Variants in LCLAT1 observed in about 807,000 individuals in gnomAD.
LCLAT1 encodes the protein 1-AGP acyltransferase 8.
Under a neutral mutation model 30.7 loss-of-function variants are expected in LCLAT1, and 11 were observed. The ratio of observed to expected loss-of-function variants is 0.36; its 90% confidence interval spans 0.23 to 0.59. The LOEUF (loss-of-function observed/expected upper bound fraction) is 0.59. Ranked by LOEUF, LCLAT1 falls within the 20% of genes least tolerant of loss-of-function variation. The pLI is 0.77. For missense variants in LCLAT1, 402 were observed against 458.6 expected (o/e 0.88, Z 1.13); for synonymous variants, 155 against 151.3 (o/e 1.02, Z -0.18).
intron 5 of LCLAT1, among the ~76,000 whole-genome samples, chr2:30,594,915 C>T (rs1666862405): frequency 6.6e-6 from 1 of 151,918 alleles, no homozygotes; most frequent in Non-Finnish European, 1.5e-5. Context: ...TAATATATAC[C>T]TATATTTTCC....
intron 5 of LCLAT1, among the ~76,000 whole-genome samples, chr2:30,623,098 G>A (rs2148518570): frequency 6.9e-6 from 1 of 144,634 alleles, no homozygotes; most frequent in East Asian, 2.0e-4. Context: ...CTGTCGCCAG[G>A]GCTAGAGTGC....
chr2:30,514,249 A>G (rs1182387895), intron 1 of LCLAT1, among the ~76,000 whole-genome samples: 2 of 152,244 alleles, frequency 1.3e-5, no homozygotes, highest in African/African-American at 2.4e-5. Context: ...CATACTTGAC[A>G]TTGTCAAGGG....
chr2:30,498,457 G>A (rs978455176), intron 1 of LCLAT1, among the ~76,000 whole-genome samples: 1 of 152,202 alleles, frequency 6.6e-6, no homozygotes, highest in Middle Eastern at 3.2e-3. Flanking sequence ...ATGCCAAGGA[G>A]AGAGAAATGT....
chr2:30,471,967 CTT>C (rs1490294761), intron 1 of LCLAT1, among the ~76,000 whole-genome samples: 2 of 152,190 alleles, frequency 1.3e-5, no homozygotes, highest in African/African-American at 4.8e-5. Flanking sequence ...CTTGTAGTCA[CTT>C]TATCCCTGAG....
intron 4 of LCLAT1, among the ~76,000 whole-genome samples, chr2:30,564,852 T>G (rs1665403523): frequency 6.6e-6 from 1 of 152,198 alleles, no homozygotes; most frequent in African/African-American, 2.4e-5. Context: ...AAATCTAACT[T>G]TACATATATT....
intron 1 of LCLAT1, among the ~76,000 whole-genome samples, chr2:30,455,542 A>G (rs1681789914): frequency 6.6e-6 from 1 of 152,074 alleles, no homozygotes; most frequent in Admixed American, 6.5e-5. Context: ...TTATGGCTAC[A>G]TCATTAATCT....
chr2:30,493,208 C>G (rs947981582), intron 1 of LCLAT1, among the ~76,000 whole-genome samples: 6 of 152,148 alleles, frequency 3.9e-5, no homozygotes, highest in Admixed American at 2.6e-4. Context: ...TTAAAGTAGA[C>G]TTTCTTATTA....
intron 5 of LCLAT1, among the ~76,000 whole-genome samples, chr2:30,595,328 C>G (rs1449050216): frequency 6.6e-6 from 1 of 152,084 alleles, no homozygotes; most frequent in Admixed American, 6.6e-5. Context: ...ATAGTGGACC[C>G]AGACGTTTTC....
chr2:30,592,574 CTGAGA>C (rs1052243692), intron 5 of LCLAT1, among the ~76,000 whole-genome samples: 3 of 152,170 alleles, frequency 2.0e-5, no homozygotes, highest in Non-Finnish European at 4.4e-5. Context: ...TAAAACTGAA[CTGAGA>C]TATCATATAA....
At chr2:30,481,357 T>C (rs1190095920) in intron 1 of LCLAT1, among the ~76,000 whole-genome samples, 3 of 152,138 alleles carry the variant, frequency 2.0e-5, no homozygotes, top group African/African-American at 4.8e-5. Flanking sequence ...ATTTTGGTAA[T>C]ATCAGCATAA....
At chr2:30,533,919 G>A (rs1686101608) in intron 3 of LCLAT1, among the ~76,000 whole-genome samples, 2 of 152,178 alleles carry the variant, frequency 1.3e-5, no homozygotes, top group Admixed American at 6.5e-5. Context: ...AAAATAAATG[G>A]CCTCCTTTCT....
At chr2:30,483,680 A>G (rs984268630) in intron 1 of LCLAT1, among the ~76,000 whole-genome samples, 1 of 152,210 alleles carries the variant, frequency 6.6e-6, no homozygotes, top group East Asian at 1.9e-4. Context: ...TGGTTGAGCT[A>G]TAAGAGATCT....
At chr2:30,601,001 T>A (rs928102106) in intron 5 of LCLAT1, among the ~76,000 whole-genome samples, 22 of 152,184 alleles carry the variant, frequency 1.4e-4, no homozygotes, top group African/African-American at 5.3e-4. Flanking sequence ...CTTTTTTCTC[T>A]AATCTTAAAT....
At chr2:30,567,034 T>A (rs553988564) in intron 4 of LCLAT1, among the ~76,000 whole-genome samples, 3 of 152,330 alleles carry the variant, frequency 2.0e-5, no homozygotes, top group African/African-American at 7.2e-5. Flanking sequence ...GCCTAAATTA[T>A]TGGATTTTAA....
intron 5 of LCLAT1, among the ~76,000 whole-genome samples, chr2:30,625,115 C>G (rs1416525704): frequency 1.3e-5 from 2 of 152,112 alleles, no homozygotes; most frequent in African/African-American, 4.8e-5. Flanking sequence ...GAGGAAAGTT[C>G]ATAGCATTAA....
intron 1 of LCLAT1, chr2:30,489,115 C>T (rs1261888825): frequency 6.6e-6 from 1 of 152,148 alleles, no homozygotes. Context: ...TACAGTGTGA[C>T]CCTGGCAAGT....
At chr2:30,517,952 C>T (rs989641872) in intron 1 of LCLAT1, among the ~76,000 whole-genome samples, 1 of 152,176 alleles carries the variant, frequency 6.6e-6, no homozygotes, top group African/African-American at 2.4e-5. Context: ...CCACTGACAA[C>T]CCGTAGCCTT....
chr2:30,580,471 G>A (rs1464810980), intron 5 of LCLAT1, among the ~76,000 whole-genome samples: 3 of 152,110 alleles, frequency 2.0e-5, no homozygotes, highest in Non-Finnish European at 2.9e-5. Context: ...TCACAGGAAC[G>A]AGGCAACAGG....
At chr2:30,513,982 C>T (rs1366750279) in intron 1 of LCLAT1, among the ~76,000 whole-genome samples, 1 of 152,228 alleles carries the variant, frequency 6.6e-6, no homozygotes, top group African/African-American at 2.4e-5. Flanking sequence ...TCACGGGTGC[C>T]TGTTCTCAAC....
Sources: allele counts gnomAD v4.1 joint callset (sites outside exome capture counted in the v4.1 genomes callset), GRCh38; gene constraint gnomAD v4.1.1; transcripts MANE v1.5; gene names NCBI Gene and HGNC (gene_info 2026-07-23, HGNC 2026-07-21).